The following NRF1 variants were observed in gnomAD, a reference collection of about 807,000 sequenced individuals.
NRF1 encodes the protein nuclear respiratory factor 1.
NRF1 carries 5 observed loss-of-function variants against 58.5 expected under a neutral mutation model. The ratio of observed to expected loss-of-function variants is 0.09; its 90% CI spans 0.04 to 0.18. NRF1 has a LOEUF of 0.18. Ranked by LOEUF, NRF1 falls within the 10% of genes least tolerant of loss-of-function variation. NRF1 has a pLI of 1.00. For missense variants in NRF1, 288 were observed against 657.7 expected (o/e 0.44, Z 6.15); for synonymous variants, 224 against 246.7 (o/e 0.91, Z 0.86).
intron 10 of NRF1, among the ~76,000 whole-genome samples, chr7:129,753,102 C>A (rs1391719513): frequency 6.6e-6 from 1 of 151,254 alleles, no homozygotes; most frequent in Non-Finnish European, 1.5e-5. Context: ...AAGTTACATA[C>A]AATTTAACAT....
At chr7:129,692,750 C>T (rs1802600063) in intron 5 of NRF1, among the ~76,000 whole-genome samples, 1 of 152,164 alleles carries the variant, frequency 6.6e-6, no homozygotes, top group Admixed American at 6.5e-5. Flanking sequence ...AGTCACTGGG[C>T]TGCGGCCACT....
chr7:129,628,776 T>A (rs1020067528), intron 1 of NRF1, among the ~76,000 whole-genome samples: 1 of 152,268 alleles, frequency 6.6e-6, no homozygotes, highest in African/African-American at 2.4e-5. Flanking sequence ...TTCTTAAAGA[T>A]GAGTTGCAAT....
intron 1 of NRF1, among the ~76,000 whole-genome samples, chr7:129,632,569 T>A (rs1801074982): frequency 6.6e-6 from 1 of 152,156 alleles, no homozygotes; most frequent in South Asian, 2.1e-4. Context: ...TGACCATTAT[T>A]CTCAATTTGA....
intron 1 of NRF1, among the ~76,000 whole-genome samples, chr7:129,622,028 G>A (rs962907171): frequency 1.3e-5 from 2 of 151,866 alleles, no homozygotes; most frequent in African/African-American, 4.8e-5. Context: ...TAATCTGCCC[G>A]CCTCGGCCTC....
At chr7:129,672,475 A>T (rs1562966239) in intron 3 of NRF1, among the ~76,000 whole-genome samples, 1 of 152,160 alleles carries the variant, frequency 6.6e-6, no homozygotes, top group Non-Finnish European at 1.5e-5. Context: ...CTGTGTTGAG[A>T]ATAGACTGTG....
chr7:129,668,093 C>T (rs539378542), intron 2 of NRF1, among the ~76,000 whole-genome samples: 24 of 152,216 alleles, frequency 1.6e-4, no homozygotes, highest in African/African-American at 4.6e-4. Context: ...TACATTTAGG[C>T]CTTTAATCCA....
intron 1 of NRF1, among the ~76,000 whole-genome samples, chr7:129,622,963 T>C (rs1283873632): frequency 6.6e-6 from 1 of 152,228 alleles, no homozygotes; most frequent in Non-Finnish European, 1.5e-5. Context: ...AATGAGACAG[T>C]TACAGATCCA....
chr7:129,730,231 C>T (rs1803548059), intron 10 of NRF1, among the ~76,000 whole-genome samples: 1 of 151,970 alleles, frequency 6.6e-6, no homozygotes, highest in Non-Finnish European at 1.5e-5. Context: ...CTCCATATTG[C>T]TCTGGCTGGT....
intron 1 of NRF1, among the ~76,000 whole-genome samples, chr7:129,646,667 T>C (rs1315980415): frequency 1.3e-5 from 2 of 152,140 alleles, no homozygotes; most frequent in Non-Finnish European, 2.9e-5. Flanking sequence ...AATGCTGATA[T>C]TATAACAATG....
intron 10 of NRF1, among the ~76,000 whole-genome samples, chr7:129,743,662 C>G (rs1438463732): frequency 6.6e-6 from 1 of 152,092 alleles, no homozygotes; most frequent in African/African-American, 2.4e-5. Context: ...ACAGAAGTGG[C>G]CTGTTGGTTT....
chr7:129,626,670 G>C (rs1336616462), intron 1 of NRF1, among the ~76,000 whole-genome samples: 1 of 152,216 alleles, frequency 6.6e-6, no homozygotes, highest in Non-Finnish European at 1.5e-5. Context: ...GGTGCTATCA[G>C]ATTTCTTAAA....
chr7:129,710,722 G>A (rs1481674490), intron 7 of NRF1, 151 bp downstream of exon 7: 7 of 615,854 alleles, frequency 1.1e-5, no homozygotes, highest in South Asian at 1.9e-5. Context: ...GATTTCTGAA[G>A]AATAGTTTAA....
intron 10 of NRF1, among the ~76,000 whole-genome samples, chr7:129,733,886 C>T (rs969339564): frequency 6.6e-6 from 1 of 152,004 alleles, no homozygotes; most frequent in African/African-American, 2.4e-5. Flanking sequence ...TAGCCCAGCA[C>T]TGGGCTCATG....
At chr7:129,635,826 G>T (rs1215646213) in intron 1 of NRF1, among the ~76,000 whole-genome samples, 1 of 152,038 alleles carries the variant, frequency 6.6e-6, no homozygotes, top group East Asian at 1.9e-4. Context: ...TTAGAAAAAT[G>T]ATCTGTTGAC....
rs146411185 is a variant in NRF1 at position 129,646,856 on chromosome 7, T to G, written c.-6-10490T>G. Among the ~76,000 whole-genome samples the G allele has an allele frequency of 2.8e-4, 43 of 152,102 alleles. No homozygotes were observed. In the East Asian group the frequency reaches 3.5e-3, roughly 12 times the overall value. Reference sequence around the variant, plus strand: ...TGGAAGTGAGACGGAGAGAGAGAGATAAACAGCAAGCATAACCTTGTAGGA... The same window carrying G: ...TGGAAGTGAGACGGAGAGAGAGAGAGAAACAGCAAGCATAACCTTGTAGGA... On this transcript the variant is annotated intron_variant, in intron 1 of 10. Coordinates refer to ENST00000393232, the MANE Select transcript of NRF1 (RefSeq NM_005011.5).
chr7:129,729,860 C>G (rs1411370180), intron 10 of NRF1, among the ~76,000 whole-genome samples: 1 of 152,176 alleles, frequency 6.6e-6, no homozygotes, highest in Non-Finnish European at 1.5e-5. Flanking sequence ...TTTTTTGAGA[C>G]AGAGTCTTGC....
intron 2 of NRF1, among the ~76,000 whole-genome samples, chr7:129,658,622 A>T (rs1801713506): frequency 1.3e-5 from 2 of 152,034 alleles, no homozygotes; most frequent in South Asian, 4.1e-4. Flanking sequence ...AGGAAAAGCA[A>T]AACGTTGTAT....
intron 7 of NRF1, among the ~76,000 whole-genome samples, chr7:129,710,998 G>C (rs1393410561): frequency 6.6e-6 from 1 of 151,324 alleles, no homozygotes; most frequent in Non-Finnish European, 1.5e-5. Flanking sequence ...GCCCAGGCTG[G>C]TCTCAAACTC....
chr7:129,721,666 A>G (rs1186677572), intron 9 of NRF1, among the ~76,000 whole-genome samples: 3 of 151,870 alleles, frequency 2.0e-5, no homozygotes, highest in African/African-American at 7.3e-5. Context: ...TATTTTTAGT[A>G]GAGAGGGGGT....
Sources: gnomAD v4.1 joint callset for allele counts (sites outside exome capture counted in the v4.1 genomes callset) on GRCh38, gnomAD v4.1.1 for gene constraint, MANE v1.5 for transcripts, NCBI Gene and HGNC (gene_info 2026-07-23, HGNC 2026-07-21) for gene names.